Variants in KIAA1671 observed in about 807,000 individuals in gnomAD.
The protein encoded by KIAA1671 is uncharacterized protein KIAA1671.
KIAA1671 carries 52 observed loss-of-function variants against 131.2 expected under a neutral mutation model. That is an observed-to-expected ratio of 0.40 (90% CI 0.32 to 0.50). The LOEUF (loss-of-function observed/expected upper bound fraction) is 0.50. Ranked by LOEUF, KIAA1671 falls within the 20% of genes least tolerant of loss-of-function variation. The pLI is 0.73. For synonymous variants in KIAA1671, 1,003 were observed against 961.6 expected (o/e 1.04, Z -0.80); for missense variants, 2,360 against 2,364.2 (o/e 1.00, Z 0.04).
chr22:24,972,695 C>T (rs1293409260), intron 1 of KIAA1671, among the ~76,000 whole-genome samples: 2 of 152,004 alleles, frequency 1.3e-5, no homozygotes, highest in East Asian at 3.8e-4. Flanking sequence ...TTCTTTCATC[C>T]ATCCATCCAT....
chr22:25,115,392 C>T (rs1931599364), intron 6 of KIAA1671, among the ~76,000 whole-genome samples: 1 of 152,312 alleles, frequency 6.6e-6, no homozygotes, highest in South Asian at 2.1e-4. Flanking sequence ...GCCTGAGTCT[C>T]AACTCACCAC....
chr22:24,963,304 C>T (rs954688699), intron 1 of KIAA1671, among the ~76,000 whole-genome samples: 30 of 139,650 alleles, frequency 2.1e-4, no homozygotes, highest in African/African-American at 5.2e-4. Flanking sequence ...GCGGCTCTTG[C>T]AGTGAGCCAA....
intron 6 of KIAA1671, among the ~76,000 whole-genome samples, chr22:25,115,654 G>T (rs1201776892): frequency 1.3e-5 from 2 of 152,248 alleles, no homozygotes; most frequent in Non-Finnish European, 2.9e-5. Flanking sequence ...CAGGGAAGCA[G>T]AGTAAGAGCC....
intron 6 of KIAA1671, among the ~76,000 whole-genome samples, chr22:25,065,713 T>TA (rs1469119947): frequency 6.6e-6 from 1 of 151,348 alleles, no homozygotes; most frequent in Admixed American, 6.6e-5. Context: ...GATCTCGGCT[T>TA]ACTGCAACCT....
chr22:24,971,682 G>C (rs1922621320), intron 1 of KIAA1671, among the ~76,000 whole-genome samples: 1 of 152,158 alleles, frequency 6.6e-6, no homozygotes, highest in Admixed American at 6.5e-5. Context: ...TCTGGCTGCT[G>C]TGGGATGTGG....
At chr22:25,074,884 G>A (rs909967509) in intron 6 of KIAA1671, among the ~76,000 whole-genome samples, 11 of 152,056 alleles carry the variant, frequency 7.2e-5, no homozygotes, top group African/African-American at 2.7e-4. Context: ...CATTTCCTTT[G>A]GGTATATGCC....
At chr22:25,184,300 T>C (rs1469696341) in intron 10 of KIAA1671, among the ~76,000 whole-genome samples, 1 of 152,192 alleles carries the variant, frequency 6.6e-6, no homozygotes, top group African/African-American at 2.4e-5. Context: ...AAAAGAATCA[T>C]ACACACATGG....
At chr22:25,029,901 A>G (rs1463542100) in intron 3 of KIAA1671, among the ~76,000 whole-genome samples, 2 of 152,228 alleles carry the variant, frequency 1.3e-5, no homozygotes, top group South Asian at 2.1e-4. Context: ...GCCTGTCTCC[A>G]TAGCTAAGCC....
intron 1 of KIAA1671, among the ~76,000 whole-genome samples, chr22:24,987,082 A>G (rs542895461): frequency 6.6e-6 from 1 of 152,124 alleles, no homozygotes; most frequent in African/African-American, 2.4e-5. Context: ...ATGTATAGAC[A>G]CACACATTTG....
chr22:25,139,649 G>A (rs1227077859), intron 6 of KIAA1671, among the ~76,000 whole-genome samples: 5 of 152,198 alleles, frequency 3.3e-5, no homozygotes, highest in Admixed American at 2.0e-4. Flanking sequence ...AACAGCAAAA[G>A]CAGTCTAATA....
At chr22:24,967,803 T>C (rs1424281565) in intron 1 of KIAA1671, among the ~76,000 whole-genome samples, 2 of 152,118 alleles carry the variant, frequency 1.3e-5, no homozygotes, top group South Asian at 2.1e-4. Context: ...CCATCCTGGC[T>C]AACACGGTGA....
intron 1 of KIAA1671, among the ~76,000 whole-genome samples, chr22:24,974,961 T>C (rs1192663390): frequency 6.6e-6 from 1 of 152,142 alleles, no homozygotes; most frequent in Non-Finnish European, 1.5e-5. Context: ...CCCAAAGTGC[T>C]GGGATTACAG....
chr22:25,140,482 T>C (rs1011321035), intron 6 of KIAA1671, among the ~76,000 whole-genome samples: 1 of 152,192 alleles, frequency 6.6e-6, no homozygotes, highest in African/African-American at 2.4e-5. Flanking sequence ...TTCATGCCAT[T>C]CTCAAGGCAG....
chr22:25,001,247 GTGTGTA>G (rs1050464364), intron 1 of KIAA1671, among the ~76,000 whole-genome samples: 67 of 144,474 alleles, frequency 4.6e-4, no homozygotes, highest in South Asian at 2.5e-3. Context: ...ATGTGTGTGT[GTGTGTA>G]TGTGTGTGTA....
At chr22:25,185,305 G>A (rs906276353) in intron 11 of KIAA1671, 186 bp downstream of exon 11, 2 of 664,174 alleles carry the variant, frequency 3.0e-6, no homozygotes, top group African/African-American at 1.9e-5. Context: ...AACAGAGGCC[G>A]GGGAAGGAGG....
chr22:25,118,394 G>A (rs1931781159), intron 6 of KIAA1671, among the ~76,000 whole-genome samples: 1 of 151,972 alleles, frequency 6.6e-6, no homozygotes, highest in South Asian at 2.1e-4. Context: ...TCTCACCTAG[G>A]ATGATCACCT....
At position 25,093,839 on chromosome 22, in the gene KIAA1671, TC is replaced by T. The variant is rs1256389545; in HGVS notation, c.4530+44476del. Among the ~76,000 whole-genome samples, 116 of 39,450 alleles carry T rather than the reference TC, an allele frequency of 2.9e-3. 6 individuals are homozygous for T. In the East Asian group the frequency reaches 0.052, roughly 18 times the overall value. 25.9% of individuals were successfully genotyped at this position (39,450 alleles called of 152,430 possible). A position where few individuals can be genotyped will look rare whatever the true frequency, so the allele number is the denominator to read the frequency against. ...CTCTCTCTCTTTCTCTCTCTGTCTG[TC>T]TCTCTCTCTCTCTCTCTCTCTCTCT... is the stretch of plus-strand genomic sequence containing the variant. On this transcript the variant is annotated intron_variant, in intron 6 of 12. Transcript: ENST00000358431.
rs1432740755 is a variant in KIAA1671 at position 25,032,651 on chromosome 22, G to A, written c.1584G>A (p.Lys528=). ...CCAGCAACGAAGTCAAATATGAGAA[G>A]AGTGCTGAGCTGAGCGGCGAGTTTC... is the stretch of plus-strand genomic sequence containing the variant. ...SASSNEVKYE[K]SAELSGEFPK... Residue 528 remains lysine, a synonymous_variant, in exon 4 of 13, where the codon AAG becomes AAA. Coordinates refer to ENST00000358431, the MANE Select transcript of KIAA1671 (RefSeq NM_001145206.2). 8 of 1,547,892 alleles carry A rather than the reference G, an allele frequency of 5.2e-6. No homozygotes were observed. The Admixed American group carries it at 1.6e-4, about 30-fold the overall frequency.
intron 6 of KIAA1671, among the ~76,000 whole-genome samples, chr22:25,083,143 G>C (rs1421929095): frequency 6.6e-6 from 1 of 152,198 alleles, no homozygotes; most frequent in Non-Finnish European, 1.5e-5. Context: ...CAGTTCTGGA[G>C]TTTACAAGTC....
Sources: allele counts gnomAD v4.1 joint callset (sites outside exome capture counted in the v4.1 genomes callset), GRCh38; gene constraint gnomAD v4.1.1; transcripts MANE v1.5; gene names NCBI Gene and HGNC (gene_info 2026-07-23, HGNC 2026-07-21).